Variants in METTL14 observed in about 807,000 individuals in gnomAD.
METTL14 encodes the protein methyltransferase 14, N6-adenosine-methyltransferase non-catalytic subunit, also known as N(6)-adenosine-methyltransferase non-catalytic subunit METTL14.
METTL14 carries 32 observed loss-of-function variants against 62.4 expected under a neutral mutation model. The observed-to-expected ratio is 0.51, with a 90% confidence interval of 0.39 to 0.69. The LOEUF is 0.69. Among genes scored for constraint, METTL14 ranks in the 30% least tolerant of loss-of-function variants. The pLI is 0.00. For missense variants in METTL14, 340 were observed against 551.9 expected (o/e 0.62, Z 3.85); for synonymous variants, 150 against 180.0 (o/e 0.83, Z 1.34).
chr4:118,700,771 GAA>G, intron 8 of METTL14, 129 bp downstream of exon 8: 1 of 540,318 alleles, frequency 1.9e-6, no homozygotes, highest in Non-Finnish European at 3.1e-6. Context: ...AAAATAGTGA[GAA>G]AAAAAAAATG....
chr4:118,695,600 T>C (rs773658801), intron 6 of METTL14, among the ~76,000 whole-genome samples: 1 of 152,138 alleles, frequency 6.6e-6, no homozygotes, highest in Non-Finnish European at 1.5e-5. Flanking sequence ...AAGTAATTTG[T>C]TTGTTAAAGG....
intron 10 of METTL14, among the ~76,000 whole-genome samples, chr4:118,709,151 AAAT>A (rs1407447728): frequency 2.0e-4 from 30 of 152,362 alleles, no homozygotes; most frequent in Middle Eastern, 3.4e-3. Flanking sequence ...ATAGAAAAGA[AAAT>A]AATATGGGCA....
rs781698848 is a variant in METTL14 at position 118,712,091 on chromosome 4, A to G, written c.*1789A>G. Reference sequence around the variant, plus strand: ...TATTTAAAAAAGAGCAGATGGTGGAAAAAGAATGTAAGACCCAGAATTTAT... The same window carrying G: ...TATTTAAAAAAGAGCAGATGGTGGAGAAAGAATGTAAGACCCAGAATTTAT... On this transcript the variant is annotated 3_prime_UTR_variant, in exon 11 of 11. Transcript: ENST00000388822. 1 of 152,228 alleles carries G rather than the reference A, an allele frequency of 6.6e-6. No homozygotes were observed. The highest frequency in any genetic ancestry group is 1.5e-5 in the Non-Finnish European group (1 of 68,038). 9.4% of individuals were successfully genotyped at this position (152,228 alleles called of 1,614,324 possible).
chr4:118,706,158 G>T (rs1403463000), intron 10 of METTL14, among the ~76,000 whole-genome samples: 1 of 152,144 alleles, frequency 6.6e-6, no homozygotes, highest in Admixed American at 6.6e-5. Context: ...TAGTAATTCT[G>T]TGAGTTTGGA....
At chr4:118,699,436 C>G (rs1724520417) in intron 7 of METTL14, among the ~76,000 whole-genome samples, 1 of 152,144 alleles carries the variant, frequency 6.6e-6, no homozygotes. Context: ...ACTTAATGCT[C>G]TTGATATTTC....
chr4:118,685,793 T>G (rs1442251767), intron 1 of METTL14, among the ~76,000 whole-genome samples, 193 bp downstream of exon 1: 3 of 152,146 alleles, frequency 2.0e-5, no homozygotes, highest in Non-Finnish European at 4.4e-5. Flanking sequence ...GTTTTTCCAG[T>G]TCCTTCCGCG....
At position 118,705,867 on chromosome 4, in the gene METTL14, CATGTCAAGAAATAGG is replaced by C. The variant is rs770953056; in HGVS notation, c.1066+48_1066+62del. 6.3e-6 allele frequency: 9 copies of C among 1,421,898 alleles called. No individual in the cohort carries two copies. The African/African-American group carries it at 1.1e-4, about 18-fold the overall frequency. The allele number at this position is 1,421,898 out of a possible 1,614,324, so 88.1% of individuals were successfully genotyped here. On this transcript the variant is annotated intron_variant, in intron 10 of 10. Transcript: ENST00000388822. The stretch of plus-strand genomic sequence containing the variant: ...AACTTTTATGATTCTTTGGGTTATG[CATGTCAAGAAATAGG>C]ACATGGTGCTGTGTAAAATAAAGTT...
intron 8 of METTL14, among the ~76,000 whole-genome samples, chr4:118,701,135 G>A (rs1230403292): frequency 6.7e-6 from 1 of 149,370 alleles, no homozygotes; most frequent in Non-Finnish European, 1.5e-5. Flanking sequence ...ATATTTAATT[G>A]TATTTCACAG....
At chr4:118,698,802 G>A (rs1332702471) in intron 7 of METTL14, among the ~76,000 whole-genome samples, 1 of 152,072 alleles carries the variant, frequency 6.6e-6, no homozygotes, top group Non-Finnish European at 1.5e-5. Context: ...AGAGGTCATA[G>A]GAATAAAATA....
chr4:118,692,176 CT>C, intron 5 of METTL14, 108 bp downstream of exon 5: 8 of 666,680 alleles, frequency 1.2e-5, no homozygotes, highest in Admixed American at 2.8e-5. Context: ...AGCTTGACAT[CT>C]TTTTTTCGTT....
At chr4:118,694,642 A>G in intron 6 of METTL14, 116 bp downstream of exon 6, 1 of 749,288 alleles carries the variant, frequency 1.3e-6, no homozygotes, top group Non-Finnish European at 2.3e-6. Flanking sequence ...AACATGCTTT[A>G]TTACTCTGTT....
chr4:118,701,887 A>G (rs1724602079), intron 8 of METTL14, among the ~76,000 whole-genome samples: 2 of 152,182 alleles, frequency 1.3e-5, no homozygotes, highest in Admixed American at 6.5e-5. Flanking sequence ...GCTGTTGGGT[A>G]ACATCATTGC....
At chr4:118,688,043 T>TTTG in intron 2 of METTL14, 32 bp downstream of exon 2, 1 of 1,488,794 alleles carries the variant, frequency 6.7e-7, no homozygotes, top group Non-Finnish European at 9.3e-7. Context: ...TTTTTTTTTT[T>TTTG]TGAGACAGGG....
chr4:118,685,437 C>G lies in METTL14; in HGVS notation c.-98C>G, dbSNP rs960066272. ...TATGAGGATACTCTGTTCGTAAGCT[C>G]CCGGTGAATTTTGTTCCACAGACTC... is the stretch of plus-strand genomic sequence containing the variant. On this transcript the variant is annotated 5_prime_UTR_variant, in exon 1 of 11. Transcript: ENST00000388822. 2.7e-5 allele frequency: 33 copies of G among 1,218,028 alleles called. No individual in the cohort carries two copies. In the Admixed American group the frequency reaches 4.3e-4, roughly 16 times the overall value. 75.5% of individuals were successfully genotyped at this position (1,218,028 alleles called of 1,614,324 possible). A position where few individuals can be genotyped will look rare whatever the true frequency, so the allele number is the denominator to read the frequency against.
Position 118,685,620 on chromosome 4 carries a change from C to T in METTL14, c.66+20C>T, listed in dbSNP as rs567001654. On this transcript the variant is annotated intron_variant, in intron 1 of 10. Transcript: ENST00000388822. ...CAGCAGGTCCGCGGCCCTGGTGTCCCCTGTGGGAGGGATCGAGAATGCGAG... is the reference window on the plus strand; with the variant it reads ...CAGCAGGTCCGCGGCCCTGGTGTCCTCTGTGGGAGGGATCGAGAATGCGAG... 7.4e-6 allele frequency: 12 copies of T among 1,612,620 alleles called. No individual in the cohort carries two copies. In the East Asian group the frequency reaches 2.2e-4, roughly 30 times the overall value.
At chr4:118,691,260 T>TA (rs1724237618) in intron 3 of METTL14, among the ~76,000 whole-genome samples, 1 of 152,146 alleles carries the variant, frequency 6.6e-6, no homozygotes, top group African/African-American at 2.4e-5. Context: ...CTCTAACACT[T>TA]ATAGTATTGT....
chr4:118,697,205 CCT>C lies in METTL14; in HGVS notation c.528_529del (p.Phe177Ter). 1 of 1,609,534 alleles carries C rather than the reference CCT, an allele frequency of 6.2e-7. No homozygotes were observed. The highest frequency in any genetic ancestry group is 8.5e-7 in the Non-Finnish European group (1 of 1,178,340). The stretch of plus-strand genomic sequence containing the variant: ...AGGTACTTACAAGCCGATATAGAAG[CCT>C]TTGACATCAGAGAACTAACACCCAA... On this transcript the variant is annotated frameshift_variant, in exon 7 of 11. Coordinates refer to ENST00000388822, the MANE Select transcript of METTL14 (RefSeq NM_020961.4). LOFTEE classifies it high-confidence loss of function.
At chr4:118,696,806 A>G (rs944154820) in intron 6 of METTL14, among the ~76,000 whole-genome samples, 1 of 152,142 alleles carries the variant, frequency 6.6e-6, no homozygotes, top group Non-Finnish European at 1.5e-5. Flanking sequence ...GAATAAAACA[A>G]TGTGATATTC....
rs1469739580 is a variant in METTL14 at position 118,695,245 on chromosome 4, T to G, written c.503+719T>G. On this transcript the variant is annotated intron_variant, in intron 6 of 10. Coordinates refer to ENST00000388822, the MANE Select transcript of METTL14 (RefSeq NM_020961.4). ...TTTGCTTAAAGTGCCTCTAAATATT[T>G]TTTCTTCTTAAAAGTCATCCAAGTC... 2.0e-5 allele frequency among the ~76,000 whole-genome samples: 3 copies of G among 152,112 alleles called. No individual in the cohort carries two copies. The South Asian group carries it at 6.2e-4, about 32-fold the overall frequency.
Sources: allele counts gnomAD v4.1 joint callset (sites outside exome capture counted in the v4.1 genomes callset), GRCh38; gene constraint gnomAD v4.1.1; transcripts MANE v1.5; gene names NCBI Gene and HGNC (gene_info 2026-07-23, HGNC 2026-07-21).